The following G3BP1 variants were observed in gnomAD, a reference collection of about 807,000 sequenced individuals.
G3BP1 encodes the protein ras GTPase-activating protein-binding protein 1.
Under a neutral mutation model 58.6 loss-of-function variants are expected in G3BP1, and 35 were observed. That is an observed-to-expected ratio of 0.60 (90% CI 0.46 to 0.79). G3BP1 has a LOEUF of 0.79. Ranked by LOEUF, G3BP1 falls within the 30% of genes least tolerant of loss-of-function variation. G3BP1 has a pLI of 0.00. For missense variants in G3BP1, 523 were observed against 580.8 expected (o/e 0.90, Z 1.02); for synonymous variants, 191 against 195.4 (o/e 0.98, Z 0.19).
intron 4 of G3BP1, 112 bp from the exon 5 acceptor site, chr5:151,794,047 A>T (rs1762706106): frequency 3.0e-6 from 2 of 670,030 alleles, no homozygotes; most frequent in African/African-American, 1.8e-5. Context: ...ATGTCTCCAG[A>T]TATTGCCAGA....
chr5:151,778,802 A>G (rs1027499996), intron 1 of G3BP1, among the ~76,000 whole-genome samples: 2 of 149,680 alleles, frequency 1.3e-5, no homozygotes, highest in Non-Finnish European at 3.0e-5. Context: ...CACACCTGTA[A>G]TCCCAGCACT....
At chr5:151,780,217 G>C (rs1297580876) in intron 1 of G3BP1, among the ~76,000 whole-genome samples, 2 of 152,100 alleles carry the variant, frequency 1.3e-5, no homozygotes, top group Non-Finnish European at 2.9e-5. Flanking sequence ...TTTGTTTGCT[G>C]TCCATTTAGT....
intron 6 of G3BP1, among the ~76,000 whole-genome samples, chr5:151,796,856 C>CT (rs1762760064): frequency 6.6e-6 from 1 of 152,064 alleles, no homozygotes; most frequent in African/African-American, 2.4e-5. Flanking sequence ...TATAAACAGA[C>CT]TATACCCATT....
intron 4 of G3BP1, among the ~76,000 whole-genome samples, chr5:151,792,643 AC>A (rs1455365369): frequency 6.6e-6 from 1 of 152,110 alleles, no homozygotes; most frequent in Non-Finnish European, 1.5e-5. Flanking sequence ...TCCCTGTGTT[AC>A]CCAGGCTGGA....
rs1371909349 is a variant in G3BP1 at position 151,806,156 on chromosome 5, A to G, written c.*2065A>G. On this transcript the variant is annotated 3_prime_UTR_variant, in exon 12 of 12. Transcript: ENST00000356245. ...TGAAGCAACCCCATTGAGAACACTG[A>G]TAGTCCCTATTCCTGTGGGTGGGTG... 1.3e-5 allele frequency: 2 copies of G among 152,192 alleles called. No individual in the cohort carries two copies. Among genetic ancestry groups the G allele is most frequent in the Non-Finnish European group, 2.9e-5 (2 of 68,036 alleles). The allele number at this position is 152,192 out of a possible 1,614,324, so 9.4% of individuals were successfully genotyped here. A position where few individuals can be genotyped will look rare whatever the true frequency, so the allele number is the denominator to read the frequency against.
In G3BP1 at chr5:151,795,547, G is replaced by T; in HGVS notation, c.511G>T (p.Gly171Ter). The T allele has an allele frequency of 6.2e-7, 1 of 1,604,598 alleles. No individual in the cohort carries two copies. ...QTPEVVPDDS[G>*]TFYDQAVVSN... ...ACCTGAGGTGGTACCTGATGATTCT[G>T]GAACTTTCTATGATCAGGCAGTTGT... Residue 171 changes from glycine to a stop codon, truncating the protein, a stop_gained, in exon 6 of 12, where the codon GGA becomes TGA. Coordinates refer to ENST00000356245, the MANE Select transcript of G3BP1 (RefSeq NM_005754.3). LOFTEE classifies it high-confidence loss of function.
chr5:151,803,272 C>A (rs1484286423), intron 11 of G3BP1, among the ~76,000 whole-genome samples: 1 of 152,172 alleles, frequency 6.6e-6, no homozygotes, highest in Non-Finnish European at 1.5e-5. Flanking sequence ...GCCTCCAAAT[C>A]TATGGAGAAG....
At chr5:151,795,670 T>C (rs777857131) in intron 6 of G3BP1, 95 bp downstream of exon 6, 1 of 615,578 alleles carries the variant, frequency 1.6e-6, no homozygotes, top group Non-Finnish European at 2.9e-6. Context: ...TTCTGAGAAT[T>C]ACCTCAAAAT....
At chr5:151,782,129 T>TAGTAATAATAGCTAA (rs927582859) in intron 1 of G3BP1, among the ~76,000 whole-genome samples, 5 of 152,158 alleles carry the variant, frequency 3.3e-5, no homozygotes, top group African/African-American at 1.2e-4. Flanking sequence ...TTGATACTGA[T>TAGTAATAATAGCTAA]AGTAATAATA....
chr5:151,800,444 C>G, intron 10 of G3BP1, 98 bp downstream of exon 10: 5 of 824,600 alleles, frequency 6.1e-6, no homozygotes, highest in Non-Finnish European at 9.2e-6. Context: ...TATAAATTTT[C>G]TAGTAGTCAT....
chr5:151,807,866 A>G lies in G3BP1; in HGVS notation c.*3775A>G, dbSNP rs569011948. The G allele has an allele frequency of 6.6e-6, 1 of 152,314 alleles. No individual in the cohort carries two copies. Among genetic ancestry groups the G allele is most frequent in the South Asian group, 2.1e-4 (1 of 4,828 alleles). 9.4% of individuals were successfully genotyped at this position (152,314 alleles called of 1,614,324 possible). A position where few individuals can be genotyped will look rare whatever the true frequency, so the allele number is the denominator to read the frequency against. ...AGTGACATTTCTTTTAAATGGTTGC[A>G]TTTGTCAAATCTATAAAGATGTTTT... On this transcript the variant is annotated 3_prime_UTR_variant, in exon 12 of 12. Transcript: ENST00000356245.
At chr5:151,779,059 A>AT (rs1554079863) in intron 1 of G3BP1, among the ~76,000 whole-genome samples, 1 of 151,998 alleles carries the variant, frequency 6.6e-6, no homozygotes, top group Admixed American at 6.5e-5. Flanking sequence ...AAAAAAAAAA[A>AT]TCAGTCAGTC....
Position 151,804,131 on chromosome 5 carries a change from C to T in G3BP1, c.*40C>T, listed in dbSNP as rs370640834. On this transcript the variant is annotated 3_prime_UTR_variant, in exon 12 of 12. Transcript: ENST00000356245. ...TCATGCAGCCATACAAACCCTGGTT[C>T]CAACAGAATGGTGAATTTTCGACAG... is the stretch of plus-strand genomic sequence containing the variant. 3.0e-5 allele frequency: 43 copies of T among 1,417,446 alleles called. No individual in the cohort carries two copies. The African/African-American group carries it at 5.7e-4, about 19-fold the overall frequency. The allele number at this position is 1,417,446 out of a possible 1,614,324, so 87.8% of individuals were successfully genotyped here. A position where few individuals can be genotyped will look rare whatever the true frequency, so the allele number is the denominator to read the frequency against.
At chr5:151,796,125 C>T (rs887996376) in intron 6 of G3BP1, among the ~76,000 whole-genome samples, 2 of 152,002 alleles carry the variant, frequency 1.3e-5, no homozygotes, top group Non-Finnish European at 2.9e-5. Context: ...ATATTCAGTG[C>T]CTGAAGGGTG....
chr5:151,793,973 A>G (rs150915336), intron 4 of G3BP1, among the ~76,000 whole-genome samples, 186 bp from the exon 5 acceptor site: 19 of 152,178 alleles, frequency 1.2e-4, no homozygotes, highest in Non-Finnish European at 2.4e-4. Flanking sequence ...GTGGTGGCTC[A>G]CTGCATTCCC....
At position 151,799,914 on chromosome 5, in the gene G3BP1, C is replaced by T; in HGVS notation, c.869C>T (p.Ser290Phe). The T allele has an allele frequency of 6.2e-7, 1 of 1,612,308 alleles. No homozygotes were observed. Among genetic ancestry groups the T allele is most frequent in the Middle Eastern group, 1.7e-4 (1 of 6,054 alleles). Residue 290 changes from serine (S) to phenylalanine (F), a missense_variant, in exon 9 of 12, where the codon TCT (serine) becomes TTT (phenylalanine). By Grantham distance (155) the Ser-to-Phe change is radical. Coordinates refer to ENST00000356245, the MANE Select transcript of G3BP1 (RefSeq NM_005754.3). ...SQPRPESKPESQIPPQRPQRD... is the reference protein window; with the variant it reads ...SQPRPESKPEFQIPPQRPQRD... ...CCCCGTCCAGAGTCTAAGCCTGAAT[C>T]TCAGATTCCACCACAAAGACCTCAG...
intron 1 of G3BP1, among the ~76,000 whole-genome samples, chr5:151,772,896 T>A (rs1762298579): frequency 6.6e-6 from 1 of 152,204 alleles, no homozygotes; most frequent in African/African-American, 2.4e-5. Flanking sequence ...CATTTGTACT[T>A]GGGCTAGTTC....
At position 151,800,331 on chromosome 5, in the gene G3BP1, A is replaced by G. The variant is rs1307897088; in HGVS notation, c.1069A>G (p.Lys357Glu). 6.2e-7 allele frequency: 1 copy of G among 1,613,122 alleles called. No individual in the cohort carries two copies. The highest frequency in any genetic ancestry group is 1.3e-5 in the African/African-American group (1 of 74,922). The change falls in exon 10 of 12, where the codon AAA becomes GAA. Residue 357 changes from lysine (K) to glutamate (E), a missense_variant. By Grantham distance (56) the Lys-to-Glu change is moderately conservative. Transcript: ENST00000356245. ...LPHEVDKSEL[K>E]DFFQSYGNVV... is the part of the protein sequence containing the mutation. The stretch of plus-strand genomic sequence containing the variant: ...TCATGAAGTGGACAAATCAGAGCTT[A>G]AAGATTTCTTTCAAAGTAGGTTATT...
chr5:151,808,595 CCTTTAATAAATCATGTGA>C lies in G3BP1; in HGVS notation c.*4508_*4525del, dbSNP rs1762970435. The C allele has an allele frequency of 6.6e-6, 1 of 152,154 alleles. No individual in the cohort carries two copies. The highest frequency in any genetic ancestry group is 1.5e-5 in the Non-Finnish European group (1 of 68,040). The allele number at this position is 152,154 out of a possible 1,614,324, so 9.4% of individuals were successfully genotyped here. A position where few individuals can be genotyped will look rare whatever the true frequency, so the allele number is the denominator to read the frequency against. On this transcript the variant is annotated 3_prime_UTR_variant, in exon 12 of 12. Coordinates refer to ENST00000356245, the MANE Select transcript of G3BP1 (RefSeq NM_005754.3). ...AATATAGGGAATCTGTTCAACTATT[CCTTTAATAAATCATGTGA>C]CTTGGCCAATTACAGAAATTCCTAA... is the stretch of plus-strand genomic sequence containing the variant.
Sources: allele counts gnomAD v4.1 joint callset (sites outside exome capture counted in the v4.1 genomes callset), GRCh38; gene constraint gnomAD v4.1.1; transcripts MANE v1.5; gene names NCBI Gene and HGNC (gene_info 2026-07-23, HGNC 2026-07-21).